The following CRB1 variants were observed in gnomAD, a reference collection of about 807,000 sequenced individuals.
The protein encoded by CRB1 is crumbs cell polarity complex component 1.
In CRB1, 83 loss-of-function variants were observed where a neutral mutation model predicts 120.0. That is an observed-to-expected ratio of 0.69 (90% CI 0.58 to 0.83). The LOEUF (loss-of-function observed/expected upper bound fraction) is 0.83. Ranked by LOEUF, CRB1 falls within the 40% of genes least tolerant of loss-of-function variation. The probability of loss-of-function intolerance (pLI) is 0.00; values close to 1 mark genes in which losing one functional copy is unlikely to be tolerated. For missense variants in CRB1, 1,699 were observed against 1,687.6 expected (o/e 1.01, Z -0.12); for synonymous variants, 625 against 612.5 (o/e 1.02, Z -0.30).
At chr1:197,373,539 C>T (rs906812508) in intron 5 of CRB1, among the ~76,000 whole-genome samples, 2 of 152,124 alleles carry the variant, frequency 1.3e-5, no homozygotes, top group Non-Finnish European at 2.9e-5. Flanking sequence ...TTCTACCCAT[C>T]CATCTTGATC....
chr1:197,219,621 A>G, the CRB1 span, among the ~76,000 whole-genome samples: 1 of 152,262 alleles, frequency 6.6e-6, no homozygotes, highest in Admixed American at 6.5e-5. Flanking sequence ...GCGAATACGC[A>G]GAGGAGTAAG....
intron 5 of CRB1, among the ~76,000 whole-genome samples, chr1:197,359,061 A>G (rs1660637706): frequency 6.6e-6 from 1 of 152,140 alleles, no homozygotes; most frequent in Admixed American, 6.5e-5. Context: ...ATAATAGTAT[A>G]TTTATGTGCA....
At chr1:197,417,417 G>A (rs987940387) in intron 5 of CRB1, among the ~76,000 whole-genome samples, 7 of 152,204 alleles carry the variant, frequency 4.6e-5, no homozygotes, top group African/African-American at 1.7e-4. Flanking sequence ...ACCCATGGTA[G>A]GAGCATTAGT....
the CRB1 span, among the ~76,000 whole-genome samples, chr1:197,230,608 G>A: frequency 1.4e-4 from 21 of 152,166 alleles, no homozygotes; most frequent in Admixed American, 3.9e-4. Flanking sequence ...ACTTCTGGTT[G>A]CTCTTGCAGG....
At chr1:197,208,581 T>G in the CRB1 span, among the ~76,000 whole-genome samples, 1 of 152,190 alleles carries the variant, frequency 6.6e-6, no homozygotes, top group Non-Finnish European at 1.5e-5. Flanking sequence ...GTTTCTCAGT[T>G]GTGGATACCA....
chr1:197,328,776 G>C lies in CRB1; in HGVS notation c.425G>C (p.Gly142Ala). 1.9e-6 allele frequency: 3 copies of C among 1,612,734 alleles called. No individual in the cohort carries two copies. The highest frequency in any genetic ancestry group is 2.5e-6 in the Non-Finnish European group (3 of 1,178,826). Residue 142 changes from glycine (G) to alanine (A), a missense_variant, in exon 2 of 12, where the codon GGA becomes GCA. Coordinates refer to ENST00000367400, the MANE Select transcript of CRB1 (RefSeq NM_201253.3). ...PVCICPAGYA[G>A]RFCEIDHDEC... Reference sequence around the variant, plus strand: ...TGCATCTGCCCTGCTGGATATGCTGGAAGATTCTGTGAGATAGATCACGAT... The same window carrying C: ...TGCATCTGCCCTGCTGGATATGCTGCAAGATTCTGTGAGATAGATCACGAT...
At chr1:197,362,472 A>C (rs1052316925) in intron 5 of CRB1, among the ~76,000 whole-genome samples, 15 of 152,098 alleles carry the variant, frequency 9.9e-5, no homozygotes, top group Non-Finnish European at 2.1e-4. Flanking sequence ...AGAGGTGTTA[A>C]AGTCCCCACC....
the CRB1 span, among the ~76,000 whole-genome samples, chr1:197,210,665 A>C: frequency 0.16 from 24,574 of 151,978 alleles, 2,245 homozygotes; most frequent in Middle Eastern, 0.23. Flanking sequence ...ACCAGCAATG[A>C]AAATTAAGAA....
At chr1:197,465,533 T>G (rs1488635874) in intron 11 of CRB1, among the ~76,000 whole-genome samples, 3 of 152,208 alleles carry the variant, frequency 2.0e-5, no homozygotes, top group African/African-American at 7.2e-5. Flanking sequence ...TTTCTATCTT[T>G]GCTGGTTGTC....
At chr1:197,309,946 G>A (rs950269768) in intron 1 of CRB1, among the ~76,000 whole-genome samples, 61 of 152,156 alleles carry the variant, frequency 4.0e-4, no homozygotes, top group Admixed American at 2.6e-3. Flanking sequence ...CTAACAATAT[G>A]TTTATACAAG....
intron 1 of CRB1, among the ~76,000 whole-genome samples, chr1:197,301,964 A>G (rs1656889413): frequency 6.6e-6 from 1 of 152,230 alleles, no homozygotes; most frequent in Non-Finnish European, 1.5e-5. Flanking sequence ...AGATTTTAGA[A>G]TATTACATAA....
intron 11 of CRB1, among the ~76,000 whole-genome samples, chr1:197,460,832 A>G (rs1666496072): frequency 6.6e-6 from 1 of 152,194 alleles, no homozygotes; most frequent in African/African-American, 2.4e-5. Context: ...GTGTTTTAGA[A>G]GAGATGCCAT....
intron 2 of CRB1, among the ~76,000 whole-genome samples, chr1:197,336,267 G>A (rs532393080): frequency 2.0e-5 from 3 of 152,276 alleles, no homozygotes; most frequent in South Asian, 2.1e-4. Flanking sequence ...AATTTCAGTC[G>A]TTGTGGAGGT....
intron 4 of CRB1, among the ~76,000 whole-genome samples, chr1:197,350,069 C>G (rs369426690): frequency 6.7e-6 from 1 of 149,250 alleles, no homozygotes; most frequent in Non-Finnish European, 1.5e-5. Flanking sequence ...CACTGCAGTC[C>G]GCAGTCCGGC....
chr1:197,281,900 A>G (rs1266490731), intron 1 of CRB1, among the ~76,000 whole-genome samples: 2 of 151,798 alleles, frequency 1.3e-5, no homozygotes, highest in Admixed American at 6.6e-5. Context: ...AATATCCAGC[A>G]GGCAGTTGGA....
intron 11 of CRB1, among the ~76,000 whole-genome samples, chr1:197,459,503 C>T (rs754233685): frequency 6.6e-6 from 1 of 152,138 alleles, no homozygotes; most frequent in Non-Finnish European, 1.5e-5. Context: ...GGTCTCTTCT[C>T]TCTGTGTCCT....
intron 5 of CRB1, among the ~76,000 whole-genome samples, chr1:197,396,090 A>C (rs774983598): frequency 1.8e-4 from 28 of 152,186 alleles, no homozygotes; most frequent in Non-Finnish European, 3.4e-4. Flanking sequence ...TTTATACAGA[A>C]AATTTCAAAG....
chr1:197,336,556 A>T (rs1240497633), intron 2 of CRB1, among the ~76,000 whole-genome samples: 2 of 152,204 alleles, frequency 1.3e-5, no homozygotes, highest in East Asian at 3.9e-4. Flanking sequence ...TTTGCTCAGA[A>T]CTAGAGTCAT....
intron 10 of CRB1, chr1:197,438,897 G>A: frequency 2.2e-6 from 1 of 459,082 alleles, no homozygotes; most frequent in Non-Finnish European, 3.9e-6. Flanking sequence ...AGGGAAAAAT[G>A]ATTTTTAAAA....
Sources: gnomAD v4.1 joint callset for allele counts (sites outside exome capture counted in the v4.1 genomes callset) on GRCh38, gnomAD v4.1.1 for gene constraint, MANE v1.5 for transcripts, NCBI Gene and HGNC (gene_info 2026-07-23, HGNC 2026-07-21) for gene names.